The following GTPBP6 variants were observed in gnomAD, a reference collection of about 807,000 sequenced individuals.
The protein encoded by GTPBP6 is putative GTP-binding protein 6.
A neutral mutation model predicts 28.9 loss-of-function variants in GTPBP6; 33 were observed. The ratio of observed to expected loss-of-function variants is 1.14; its 90% CI spans 0.87 to 1.53. GTPBP6 has a LOEUF of 1.53. Ranked by LOEUF, GTPBP6 falls within the 40% of genes most tolerant of loss-of-function variation. The pLI is 0.00. For synonymous variants in GTPBP6, 231 were observed against 192.7 expected, an observed-to-expected ratio of 1.20 and a Z score of -1.65; for missense variants, 507 against 408.3, an observed-to-expected ratio of 1.24 and a Z score of -2.08.
At chrX:306,966 G>C (rs1033836840) in intron 9 of GTPBP6, among the ~76,000 whole-genome samples, 2 of 147,662 alleles carry the variant, frequency 1.4e-5, no homozygotes, top group Admixed American at 6.8e-5. Flanking sequence ...CACAGATTAG[G>C]CACCTGTTGT....
chrX:317,818 A>G (rs1190286144), intron 1 of GTPBP6, among the ~76,000 whole-genome samples: 5 of 143,636 alleles, frequency 3.5e-5, no homozygotes, highest in Admixed American at 7.0e-5. Context: ...CCTCCCCCGA[A>G]GCCCCGCCCA....
At chrX:315,151 C>T (rs2070405956) in intron 3 of GTPBP6, 78 bp downstream of exon 3, 1 of 389,858 alleles carries the variant, frequency 2.6e-6, no homozygotes, top group Non-Finnish European at 4.5e-6. Flanking sequence ...TGTCCCCCGC[C>T]TGGCCGGACG....
intron 9 of GTPBP6, among the ~76,000 whole-genome samples, chrX:306,138 A>C (rs1001798100): frequency 3.3e-5 from 5 of 152,068 alleles, no homozygotes; most frequent in Non-Finnish European, 7.4e-5. Context: ...TGTTGTGCGC[A>C]CAGTCAGAAA....
chrX:314,565 G>C (rs1295220273), intron 4 of GTPBP6, among the ~76,000 whole-genome samples: 3 of 151,958 alleles, frequency 2.0e-5, no homozygotes, highest in Admixed American at 1.3e-4. Flanking sequence ...CTCCACCTCT[G>C]GGGTTCACGC....
At chrX:310,701 AG>A (rs1253233815) in intron 7 of GTPBP6, among the ~76,000 whole-genome samples, 3 of 151,942 alleles carry the variant, frequency 2.0e-5, no homozygotes, top group African/African-American at 7.3e-5. Flanking sequence ...GGACGCCTGG[AG>A]CCCCCAGGAG....
exon 10 of GTPBP6, chrX:305,189 T>A (rs755588840): frequency 1.3e-5 from 21 of 1,613,214 alleles, no homozygotes; most frequent in Non-Finnish European, 1.7e-5. Context: ...GGCCTCCTTA[T>A]ACAGCCAGCT....
At chrX:313,150 G>C (rs374280881) in intron 5 of GTPBP6, among the ~76,000 whole-genome samples, 3 of 152,212 alleles carry the variant, frequency 2.0e-5, no homozygotes, top group East Asian at 1.9e-4. Flanking sequence ...TGAGGTCAAC[G>C]AGGGCTTCCC....
At chrX:311,691 C>T in intron 6 of GTPBP6, 64 bp from the exon 7 acceptor site, 1 of 1,329,420 alleles carries the variant, frequency 7.5e-7, no homozygotes, top group Non-Finnish European at 1.1e-6. Context: ...AGCGCCGCAG[C>T]CAGGCCCTCC....
exon 1 of GTPBP6, chrX:318,508 C>A (rs2124482874): frequency 2.5e-6 from 1 of 398,546 alleles, no homozygotes; most frequent in East Asian, 3.6e-5. Context: ...CGCTGGGTCC[C>A]CGCCGGCAGC....
rs181470032 is a variant in GTPBP6, at chrX:314,230, C to G, written c.690-13G>C. 1 of 1,610,926 alleles carries G rather than the reference C, an allele frequency of 6.2e-7. No homozygotes were observed. The highest frequency in any genetic ancestry group is 8.5e-7 in the Non-Finnish European group (1 of 1,177,244). ...TTTCAAGTTCGACCTGGTGTGGGAA[C>G]GGGAGTGGCTCGGTCTCTGCGGACG... On this transcript the variant is annotated splice_polypyrimidine_tract_variant and intron_variant, in intron 4 of 9. Coordinates refer to ENST00000326153, the Ensembl canonical transcript of GTPBP6.
chrX:308,253 C>T (rs1286432111), intron 7 of GTPBP6, among the ~76,000 whole-genome samples: 1 of 152,026 alleles, frequency 6.6e-6, no homozygotes, highest in African/African-American at 2.4e-5. Flanking sequence ...ATTATTTCCT[C>T]TTTAAAGGAT....
chrX:314,156 C>A, exon 5 of GTPBP6: 1 of 1,612,880 alleles, frequency 6.2e-7, no homozygotes, highest in South Asian at 1.1e-5. Flanking sequence ...TTACCTGACC[C>A]CATGATGTAG....
At chrX:314,442 G>A (rs750992494) in intron 4 of GTPBP6, among the ~76,000 whole-genome samples, 1 of 152,210 alleles carries the variant, frequency 6.6e-6, no homozygotes, top group South Asian at 2.1e-4. Flanking sequence ...GGGGCAACGG[G>A]CCCCGGAGAG....
intron 3 of GTPBP6, 50 bp downstream of exon 3, chrX:315,176 CCTT>C (rs1436936396): frequency 0.62 from 246,072 of 398,100 alleles, 78,803 homozygotes; most frequent in Non-Finnish European, 0.67. Flanking sequence ...GGCGTCCCCT[CCTT>C]CATCGCGTGG....
At chrX:314,647 C>T (rs1266995633) in intron 4 of GTPBP6, among the ~76,000 whole-genome samples, 1 of 151,938 alleles carries the variant, frequency 6.6e-6, no homozygotes, top group East Asian at 1.9e-4. Context: ...TAATTTTTTT[C>T]TTGTATTTTT....
Position 315,430 on chromosome X carries a change from C to A in GTPBP6, c.488-131G>T, listed in dbSNP as rs1372718437. 5 of 398,354 alleles carry A rather than the reference C, an allele frequency of 1.3e-5. No individual in the cohort carries two copies. In the East Asian group the frequency reaches 1.8e-4, roughly 14 times the overall value. The allele number at this position is 398,354 out of a possible 1,614,324, so 24.7% of individuals were successfully genotyped here. A position where few individuals can be genotyped will look rare whatever the true frequency, so the allele number is the denominator to read the frequency against. ...ACAGGCATCCCCGACTTCCTGAGCA[C>A]GAGACCCGGGATCCAGGAAGTCAGC... On this transcript the variant is annotated intron_variant, in intron 2 of 9. Transcript: ENST00000326153.
rs11543174 is a variant in GTPBP6 at position 311,531 on chromosome X, G to T, written c.1013C>A (p.Thr338Lys). Residue 338 changes from threonine to lysine, a missense_variant, in exon 7 of 10, where the codon ACG (threonine) becomes AAG (lysine). Coordinates refer to ENST00000326153, the Ensembl canonical transcript of GTPBP6. ...CAGGACGGTCATGCGTGAGGGCAGC[G>T]TGCCCGCGTGGGCCGTGACGTCCAG... The T allele has an allele frequency of 8.7e-6, 14 of 1,612,094 alleles. No homozygotes were observed. The East Asian group carries it at 2.5e-4, about 28-fold the overall frequency.
intron 9 of GTPBP6, among the ~76,000 whole-genome samples, chrX:306,926 G>GCA (rs755352941): frequency 1.2e-4 from 6 of 51,406 alleles, no homozygotes; most frequent in African/African-American, 3.6e-4. Flanking sequence ...CCTGTTGTAT[G>GCA]CAGTCAGAAA....
rs1286033264 is a variant in GTPBP6 at position 307,521 on chromosome X, G to A, written c.1275-9C>T. On this transcript the variant is annotated splice_polypyrimidine_tract_variant and intron_variant, in intron 8 of 9. Transcript: ENST00000326153. Reference sequence around the variant, plus strand: ...GTTCCGTGGGGCTGTACCTGCAAGGGTGGGGATGTCACAGGCCCCGCTCAG... The same window carrying A: ...GTTCCGTGGGGCTGTACCTGCAAGGATGGGGATGTCACAGGCCCCGCTCAG... The A allele has an allele frequency of 3.1e-6, 5 of 1,610,286 alleles. No homozygotes were observed. The South Asian group carries it at 4.4e-5, about 14-fold the overall frequency.
Sources: allele counts gnomAD v4.1 joint callset (sites outside exome capture counted in the v4.1 genomes callset), GRCh38; gene constraint gnomAD v4.1.1; transcripts MANE v1.5; gene names NCBI Gene and HGNC (gene_info 2026-07-23, HGNC 2026-07-21).